CSMD1: variants seen among roughly 807,000 people sequenced by gnomAD.
The protein encoded by CSMD1 is CUB and Sushi multiple domains 1.
In CSMD1, 213 loss-of-function variants were observed where a neutral mutation model predicts 417.5. That is an observed-to-expected ratio of 0.51 (90% CI 0.46 to 0.57). CSMD1 has a LOEUF of 0.57. Ranked by LOEUF, CSMD1 falls within the 20% of genes least tolerant of loss-of-function variation. The pLI is 0.00. For synonymous variants in CSMD1, 2,862 were observed against 1,736.8 expected (o/e 1.65, Z -16.11); for missense variants, 6,923 against 4,529.7 (o/e 1.53, Z -15.17).
At chr8:4,416,247 ACTT>A (rs1340744841) in intron 3 of CSMD1, among the ~76,000 whole-genome samples, 1 of 152,140 alleles carries the variant, frequency 6.6e-6, no homozygotes, top group Non-Finnish European at 1.5e-5. Flanking sequence ...TATGTACAAA[ACTT>A]CTATTTTCCG....
intron 2 of CSMD1, among the ~76,000 whole-genome samples, chr8:4,563,768 G>A (rs1333763948): frequency 6.6e-6 from 1 of 152,156 alleles, no homozygotes; most frequent in African/African-American, 2.4e-5. Flanking sequence ...GACCATCGGT[G>A]CAAGCCCTGT....
At chr8:3,366,183 T>A (rs13274131) in intron 20 of CSMD1, among the ~76,000 whole-genome samples, 34,759 of 152,066 alleles carry the variant, frequency 0.23, 4,026 homozygotes, top group Middle Eastern at 0.28. Context: ...AAATGCAAGT[T>A]AATATGATTG....
Position 3,409,690 on chromosome 8 carries a change from G to C in CSMD1, c.1562-85C>G, listed in dbSNP as rs564159556. 30 of 1,030,144 alleles carry C rather than the reference G, an allele frequency of 2.9e-5. No homozygotes were observed. In the Middle Eastern group the frequency reaches 1.9e-3, roughly 65 times the overall value. The allele number at this position is 1,030,144 out of a possible 1,614,324, so 63.8% of individuals were successfully genotyped here. ...CTACAACTTAGAAAGTAAATACGTG[G>C]CTTCTTTTTGCTGAACTAAACATCA... is the stretch of plus-strand genomic sequence containing the variant. On this transcript the variant is annotated intron_variant, in intron 12 of 69. Transcript: ENST00000635120.
chr8:3,920,145 T>C (rs1364438396), intron 5 of CSMD1, among the ~76,000 whole-genome samples: 4 of 152,156 alleles, frequency 2.6e-5, no homozygotes, highest in African/African-American at 9.7e-5. Flanking sequence ...GTGATCTTCC[T>C]GCCTTAGTCT....
intron 1 of CSMD1, among the ~76,000 whole-genome samples, chr8:4,942,070 C>T (rs78847199): frequency 6.6e-6 from 1 of 152,298 alleles, no homozygotes; most frequent in East Asian, 1.9e-4. Flanking sequence ...TTAAGAATCT[C>T]TCTTCACTTC....
Position 3,806,790 on chromosome 8 carries a change from A to T in CSMD1, c.819-52748T>A, listed in dbSNP as rs548887885. 1.4e-4 allele frequency among the ~76,000 whole-genome samples: 21 copies of T among 152,338 alleles called. 1 individual carries two copies. In the South Asian group the frequency reaches 4.3e-3, roughly 32 times the overall value. ...AAATGTTAGTTGTTTTAGCTACTAA[A>T]TACTAGGTGCAGCATAGTTCAGAAC... On this transcript the variant is annotated intron_variant, in intron 5 of 69. Transcript: ENST00000635120.
chr8:4,103,408 T>A (rs1436676659), intron 3 of CSMD1, among the ~76,000 whole-genome samples: 1 of 151,388 alleles, frequency 6.6e-6, no homozygotes, highest in African/African-American at 2.4e-5. Flanking sequence ...TCTCTATCTT[T>A]TCTAAACCTT....
At chr8:3,673,178 G>C (rs10088000) in intron 7 of CSMD1, among the ~76,000 whole-genome samples, 69,367 of 152,066 alleles carry the variant, frequency 0.46, 16,275 homozygotes, top group Admixed American at 0.56. Context: ...ATGGGACACA[G>C]AATCTGAAAT....
intron 3 of CSMD1, among the ~76,000 whole-genome samples, chr8:4,236,884 G>A (rs1242273132): frequency 1.3e-5 from 2 of 152,122 alleles, no homozygotes; most frequent in African/African-American, 2.4e-5. Context: ...GCCAGGCAAT[G>A]GTATAAATTC....
intron 3 of CSMD1, among the ~76,000 whole-genome samples, chr8:4,385,517 T>C (rs1371917528): frequency 6.6e-6 from 1 of 152,208 alleles, no homozygotes; most frequent in East Asian, 1.9e-4. Context: ...ATTAGTAGTC[T>C]TAAGAATATT....
chr8:4,816,105 G>A (rs184516140), intron 1 of CSMD1, among the ~76,000 whole-genome samples: 1 of 152,180 alleles, frequency 6.6e-6, no homozygotes, highest in Non-Finnish European at 1.5e-5. Flanking sequence ...ATGTGAGGAA[G>A]GCTGATCACA....
intron 46 of CSMD1, among the ~76,000 whole-genome samples, chr8:3,105,435 G>A (rs1291778542): frequency 6.6e-6 from 1 of 152,178 alleles, no homozygotes; most frequent in Non-Finnish European, 1.5e-5. Context: ...CTTTTGGATA[G>A]GTGAACTAAT....
chr8:3,666,432 A>G (rs1014858634), intron 7 of CSMD1, among the ~76,000 whole-genome samples: 2 of 152,228 alleles, frequency 1.3e-5, no homozygotes, highest in Admixed American at 1.3e-4. Context: ...TACTTGCTAA[A>G]ATAATTAAGA....
At chr8:3,872,568 A>C (rs561237278) in intron 5 of CSMD1, among the ~76,000 whole-genome samples, 2 of 152,350 alleles carry the variant, frequency 1.3e-5, no homozygotes, top group African/African-American at 4.8e-5. Context: ...TGTCTGTTTC[A>C]GAATTGCTTG....
At chr8:4,824,144 G>C (rs1361723527) in intron 1 of CSMD1, among the ~76,000 whole-genome samples, 2 of 151,012 alleles carry the variant, frequency 1.3e-5, no homozygotes, top group Non-Finnish European at 3.0e-5. Context: ...AAGGAAATGG[G>C]GAAAAACAAT....
At chr8:3,992,096 A>T (rs2554607) in intron 5 of CSMD1, among the ~76,000 whole-genome samples, 68,152 of 142,102 alleles carry the variant, frequency 0.48, 15,349 homozygotes, top group East Asian at 0.58. Context: ...TATGCAGAGT[A>T]TCAAGAAAAG....
chr8:4,486,062 A>T (rs2130167324), intron 2 of CSMD1, among the ~76,000 whole-genome samples: 1 of 150,394 alleles, frequency 6.6e-6, no homozygotes, highest in Non-Finnish European at 1.5e-5. Flanking sequence ...ATATCTAAGT[A>T]TTAAAATTAA....
At chr8:3,819,326 G>C (rs563812562) in intron 5 of CSMD1, among the ~76,000 whole-genome samples, 4 of 152,276 alleles carry the variant, frequency 2.6e-5, no homozygotes, top group Admixed American at 1.3e-4. Flanking sequence ...ATGAGAGAGT[G>C]ACAGGTAGGA....
chr8:4,323,266 G>T (rs1350943767), intron 3 of CSMD1, among the ~76,000 whole-genome samples: 2 of 152,148 alleles, frequency 1.3e-5, no homozygotes, highest in African/African-American at 4.8e-5. Flanking sequence ...TTAAACGGAA[G>T]TTCTGTAGCA....
Sources: allele counts gnomAD v4.1 joint callset (sites outside exome capture counted in the v4.1 genomes callset), GRCh38; gene constraint gnomAD v4.1.1; transcripts MANE v1.5; gene names NCBI Gene and HGNC (gene_info 2026-07-23, HGNC 2026-07-21).